Variants in LAMA2 observed in about 807,000 individuals in gnomAD.
LAMA2 encodes the protein laminin subunit alpha-2.
Under a neutral mutation model 364.8 loss-of-function variants are expected in LAMA2, and 269 were observed. The ratio of observed to expected loss-of-function variants is 0.74; its 90% confidence interval spans 0.67 to 0.82. The LOEUF is 0.82. Among genes scored for constraint, LAMA2 ranks in the 40% least tolerant of loss-of-function variants. LAMA2 has a pLI of 0.00. For missense variants in LAMA2, 3,807 were observed against 3,873.2 expected (o/e 0.98, Z 0.45); for synonymous variants, 1,379 against 1,370.6 (o/e 1.01, Z -0.14).
chr6:129,415,196 T>A (rs1206829362), intron 40 of LAMA2, among the ~76,000 whole-genome samples: 1 of 152,184 alleles, frequency 6.6e-6, no homozygotes, highest in Non-Finnish European at 1.5e-5. Flanking sequence ...ATTGTGATGG[T>A]CAATAACATT....
chr6:128,960,587 T>G lies in LAMA2; in HGVS notation c.112+77230T>G, dbSNP rs569348764. 3.8e-3 allele frequency among the ~76,000 whole-genome samples: 579 copies of G among 152,246 alleles called. 4 individuals are homozygous for G. Among genetic ancestry groups the G allele is most frequent in the African/African-American group, 0.013 (557 of 41,572 alleles). Reference sequence around the variant, plus strand: ...GTGGGCCAGGCTGGTCTGGAACGCCTGACCTCGGGTGATCCACCCGCCTGG... The same window carrying G: ...GTGGGCCAGGCTGGTCTGGAACGCCGGACCTCGGGTGATCCACCCGCCTGG... On this transcript the variant is annotated intron_variant, in intron 1 of 64. Transcript: ENST00000421865.
chr6:129,177,579 A>G (rs1780671309), intron 9 of LAMA2, 127 bp from the exon 10 acceptor site: 2 of 909,534 alleles, frequency 2.2e-6, no homozygotes, highest in Admixed American at 2.3e-5. Context: ...ACTTTTCTTT[A>G]TTGATATATA....
At chr6:129,190,133 C>CT (rs1386986608) in intron 10 of LAMA2, 72 bp from the exon 11 acceptor site, 17 of 1,440,790 alleles carry the variant, frequency 1.2e-5, no homozygotes, top group Non-Finnish European at 1.7e-5. Context: ...TAATATTTTC[C>CT]TTATACAGAC....
intron 1 of LAMA2, among the ~76,000 whole-genome samples, chr6:128,957,936 G>C (rs1392629994): frequency 5.1e-5 from 7 of 137,002 alleles, no homozygotes; most frequent in Non-Finnish European, 1.1e-4. Context: ...TGTATCATCT[G>C]CAAGTTTGAG....
chr6:129,144,167 G>A (rs1778295088), intron 5 of LAMA2, 87 bp downstream of exon 5: 2 of 1,015,374 alleles, frequency 2.0e-6, no homozygotes, highest in Admixed American at 3.5e-5. Flanking sequence ...TGTTTTCAGT[G>A]ATTTGTAGGA....
chr6:128,937,747 T>A (rs1779914771), intron 1 of LAMA2, among the ~76,000 whole-genome samples: 1 of 152,074 alleles, frequency 6.6e-6, no homozygotes, highest in Non-Finnish European at 1.5e-5. Flanking sequence ...TTCTTACTTA[T>A]ATTGATCTTT....
intron 3 of LAMA2, among the ~76,000 whole-genome samples, chr6:129,074,158 A>T (rs1187546003): frequency 1.3e-5 from 2 of 152,096 alleles, no homozygotes; most frequent in African/African-American, 4.8e-5. Flanking sequence ...CTGACTCTTA[A>T]CTCCAAAGTT....
At chr6:129,472,243 A>G (rs1783847022) in intron 51 of LAMA2, among the ~76,000 whole-genome samples, 1 of 151,968 alleles carries the variant, frequency 6.6e-6, no homozygotes, top group South Asian at 2.1e-4. Flanking sequence ...ATTCCCTTAT[A>G]ACCCACTGGT....
chr6:129,347,639 C>T (rs1013664797), intron 30 of LAMA2, among the ~76,000 whole-genome samples: 7 of 151,944 alleles, frequency 4.6e-5, no homozygotes, highest in Admixed American at 1.3e-4. Flanking sequence ...AATTAGCAGC[C>T]ATAGGGAAAT....
intron 2 of LAMA2, 84 bp downstream of exon 2, chr6:129,050,172 G>C: frequency 7.3e-7 from 1 of 1,365,000 alleles, no homozygotes; most frequent in Non-Finnish European, 1.0e-6. Context: ...TTAAATTCAA[G>C]GGTTTGTAAT....
chr6:129,046,950 G>T (rs1787557265), intron 1 of LAMA2, among the ~76,000 whole-genome samples: 1 of 152,138 alleles, frequency 6.6e-6, no homozygotes, highest in African/African-American at 2.4e-5. Context: ...CATAATATGT[G>T]CTCAAAACAT....
At chr6:129,054,572 T>G (rs564372621) in intron 2 of LAMA2, among the ~76,000 whole-genome samples, 3 of 151,748 alleles carry the variant, frequency 2.0e-5, no homozygotes, top group African/African-American at 4.8e-5. Context: ...ATTAGAGAGA[T>G]AAAATATGTA....
chr6:129,009,893 T>C (rs1784661639), intron 1 of LAMA2, among the ~76,000 whole-genome samples: 1 of 152,180 alleles, frequency 6.6e-6, no homozygotes. Flanking sequence ...AGGATCCTCT[T>C]TCCCACCTCT....
chr6:129,152,190 A>T (rs1279086795), intron 7 of LAMA2, among the ~76,000 whole-genome samples: 8 of 152,246 alleles, frequency 5.3e-5, no homozygotes, highest in Admixed American at 5.2e-4. Context: ...AATGACACTC[A>T]TAATGAAGGA....
chr6:129,160,070 A>T (rs537275468), intron 8 of LAMA2, among the ~76,000 whole-genome samples: 1 of 152,224 alleles, frequency 6.6e-6, no homozygotes, highest in South Asian at 2.1e-4. Flanking sequence ...TTATTTTCTT[A>T]TAATGTTTTT....
At chr6:128,911,606 CTCACGCTGGGAGCTGTA>C (rs1033523626) in intron 1 of LAMA2, among the ~76,000 whole-genome samples, 2 of 152,246 alleles carry the variant, frequency 1.3e-5, no homozygotes, top group African/African-American at 4.8e-5. Flanking sequence ...TTCTGCGTCG[CTCACGCTGGGAGCTGTA>C]GACCGGAGCT....
intron 10 of LAMA2, among the ~76,000 whole-genome samples, chr6:129,186,379 C>T (rs1016257312): frequency 1.3e-4 from 19 of 151,584 alleles, no homozygotes; most frequent in African/African-American, 4.4e-4. Context: ...ATTATATTCC[C>T]ATCTATGCTT....
intron 20 of LAMA2, among the ~76,000 whole-genome samples, chr6:129,296,996 A>ATAAC (rs1388462534): frequency 6.6e-6 from 1 of 152,212 alleles, no homozygotes; most frequent in African/African-American, 2.4e-5. Context: ...ATGCATATGA[A>ATAAC]TAACTCATCA....
intron 1 of LAMA2, among the ~76,000 whole-genome samples, chr6:129,008,007 C>T (rs1328929477): frequency 1.3e-5 from 2 of 152,144 alleles, no homozygotes; most frequent in African/African-American, 4.8e-5. Context: ...TAATGAAATA[C>T]ATCCTTGAGA....
Sources: gnomAD v4.1 joint callset for allele counts (sites outside exome capture counted in the v4.1 genomes callset) on GRCh38, gnomAD v4.1.1 for gene constraint, MANE v1.5 for transcripts, NCBI Gene and HGNC (gene_info 2026-07-23, HGNC 2026-07-21) for gene names.